Variants in IMMP1L observed in about 807,000 individuals in gnomAD.
IMMP1L encodes the protein mitochondrial inner membrane protease subunit 1.
IMMP1L carries 24 observed loss-of-function variants against 21.8 expected under a neutral mutation model. The observed-to-expected ratio is 1.10, with a 90% CI of 0.80 to 1.55. The LOEUF is 1.55. Ranked by LOEUF, IMMP1L falls within the 40% of genes most tolerant of loss-of-function variation. IMMP1L has a pLI of 0.00. For missense variants in IMMP1L, 195 were observed against 200.7 expected, an observed-to-expected ratio of 0.97 and a Z score of 0.17; for synonymous variants, 46 against 62.8, an observed-to-expected ratio of 0.73 and a Z score of 1.26.
At chr11:31,443,011 A>G (rs985412667) in intron 4 of IMMP1L, among the ~76,000 whole-genome samples, 1 of 152,290 alleles carries the variant, frequency 6.6e-6, no homozygotes, top group South Asian at 2.1e-4. Context: ...AATGTATATT[A>G]AAAAGATGTC....
intron 1 of IMMP1L, among the ~76,000 whole-genome samples, chr11:31,470,467 G>A (rs575839921): frequency 6.6e-6 from 1 of 150,936 alleles, no homozygotes; most frequent in East Asian, 1.9e-4. Context: ...ATCCAAGAAG[G>A]AAGGAAGAGA....
At chr11:31,454,820 C>T (rs1416224753) in intron 4 of IMMP1L, among the ~76,000 whole-genome samples, 6 of 152,136 alleles carry the variant, frequency 3.9e-5, no homozygotes, top group African/African-American at 1.2e-4. Context: ...CATTTAAATA[C>T]ATAGAGGATG....
At chr11:31,505,463 CTG>C (rs1955747930) in intron 1 of IMMP1L, among the ~76,000 whole-genome samples, 1 of 152,150 alleles carries the variant, frequency 6.6e-6, no homozygotes, top group East Asian at 1.9e-4. Flanking sequence ...AGAAAACAAA[CTG>C]ACATTAGGCA....
intron 4 of IMMP1L, among the ~76,000 whole-genome samples, chr11:31,453,317 A>G (rs1171511420): frequency 1.3e-5 from 2 of 152,218 alleles, no homozygotes; most frequent in Non-Finnish European, 2.9e-5. Flanking sequence ...TCCAATGAAC[A>G]ATTTTGGTGT....
intron 2 of IMMP1L, 37 bp from the exon 3 acceptor site, chr11:31,460,751 T>A: frequency 2.3e-6 from 3 of 1,294,650 alleles, no homozygotes; most frequent in South Asian, 1.3e-5. Flanking sequence ...AAATTCAAAA[T>A]CTCTTTTAAA....
intron 3 of IMMP1L, among the ~76,000 whole-genome samples, chr11:31,460,092 G>A (rs1323073301): frequency 1.3e-5 from 2 of 152,068 alleles, no homozygotes; most frequent in Non-Finnish European, 2.9e-5. Flanking sequence ...AGGAGGTTGA[G>A]GCTGCAGGGA....
intron 1 of IMMP1L, among the ~76,000 whole-genome samples, chr11:31,490,512 T>C (rs149327957): frequency 1.3e-5 from 2 of 151,792 alleles, no homozygotes; most frequent in East Asian, 1.9e-4. Flanking sequence ...CCCCTACTTC[T>C]ATATATATTA....
intron 3 of IMMP1L, among the ~76,000 whole-genome samples, chr11:31,459,951 GT>G (rs56833450): frequency 0.02 from 3,058 of 152,204 alleles, 90 homozygotes; most frequent in African/African-American, 0.069. Flanking sequence ...GAGCTCAGGA[GT>G]TTGAGACCAG....
intron 1 of IMMP1L, among the ~76,000 whole-genome samples, chr11:31,506,836 T>C (rs923814018): frequency 6.6e-6 from 1 of 151,668 alleles, no homozygotes; most frequent in Non-Finnish European, 1.5e-5. Flanking sequence ...GGTGCATGCC[T>C]GTAGTCCCAA....
chr11:31,493,475 G>A (rs932142151), intron 1 of IMMP1L, among the ~76,000 whole-genome samples: 13 of 152,130 alleles, frequency 8.5e-5, no homozygotes, highest in Non-Finnish European at 1.8e-4. Flanking sequence ...GGGGATTATG[G>A]AAACTGTAAT....
intron 4 of IMMP1L, chr11:31,452,546 C>G (rs1188689975): frequency 2.5e-5 from 25 of 985,290 alleles, no homozygotes; most frequent in Non-Finnish European, 3.0e-5. Context: ...GCAGTGGCTT[C>G]AAGCAGCAAA....
chr11:31,447,328 G>A (rs1160500307), intron 4 of IMMP1L, among the ~76,000 whole-genome samples: 1 of 152,198 alleles, frequency 6.6e-6, no homozygotes, highest in Non-Finnish European at 1.5e-5. Context: ...AGATGTGTGA[G>A]TGCTAGGATT....
chr11:31,437,780 G>A (rs998649078), intron 4 of IMMP1L, among the ~76,000 whole-genome samples: 2 of 152,056 alleles, frequency 1.3e-5, no homozygotes, highest in African/African-American at 2.4e-5. Context: ...CCCAGTCAAC[G>A]AGTGAACTGC....
chr11:31,488,265 A>G (rs558620551), intron 1 of IMMP1L: 1 of 152,324 alleles, frequency 6.6e-6, no homozygotes, highest in South Asian at 2.1e-4. Context: ...TCAAAATTAC[A>G]TTAGTTGAAG....
At chr11:31,464,900 T>C (rs570393791) in intron 1 of IMMP1L, among the ~76,000 whole-genome samples, 1 of 152,234 alleles carries the variant, frequency 6.6e-6, no homozygotes, top group African/African-American at 2.4e-5. Flanking sequence ...GATGCCCACC[T>C]TCACCACTCT....
At chr11:31,441,740 CAT>C (rs1162949108) in intron 4 of IMMP1L, among the ~76,000 whole-genome samples, 1 of 151,940 alleles carries the variant, frequency 6.6e-6, no homozygotes, top group African/African-American at 2.4e-5. Flanking sequence ...GGTAGATTAA[CAT>C]GTATTTTTCT....
intron 1 of IMMP1L, among the ~76,000 whole-genome samples, chr11:31,499,361 T>C (rs1041817062): frequency 8.2e-6 from 1 of 121,548 alleles, no homozygotes; most frequent in Non-Finnish European, 1.6e-5. Context: ...TGAGACTCCG[T>C]ATCAAAAAAC....
intron 4 of IMMP1L, among the ~76,000 whole-genome samples, chr11:31,451,467 A>G (rs753849340): frequency 3.9e-5 from 6 of 152,204 alleles, no homozygotes; most frequent in Non-Finnish European, 7.3e-5. Context: ...TATAGAAGGT[A>G]TAATCATGAT....
chr11:31,461,404 C>T (rs1954134293), intron 2 of IMMP1L, among the ~76,000 whole-genome samples: 1 of 152,080 alleles, frequency 6.6e-6, no homozygotes, highest in Non-Finnish European at 1.5e-5. Context: ...CTAAATAGAA[C>T]CCATCTTTAC....
Sources: gnomAD v4.1 joint callset for allele counts (sites outside exome capture counted in the v4.1 genomes callset) on GRCh38, gnomAD v4.1.1 for gene constraint, MANE v1.5 for transcripts, NCBI Gene and HGNC (gene_info 2026-07-23, HGNC 2026-07-21) for gene names.